The following CFTR variants were observed in gnomAD, a reference collection of about 807,000 sequenced individuals.
CFTR encodes the protein CF transmembrane conductance regulator, also known as cystic fibrosis transmembrane conductance regulator.
In CFTR, 181 loss-of-function variants were observed where a neutral mutation model predicts 171.6. The ratio of observed to expected loss-of-function variants is 1.05; its 90% CI spans 0.93 to 1.19. CFTR has a LOEUF of 1.19. Ranked by LOEUF, CFTR falls within the 50% of genes most tolerant of loss-of-function variation. The pLI, the probability that CFTR is intolerant of heterozygous loss-of-function variation, is 0.00. For synonymous variants in CFTR, 583 were observed against 608.0 expected (o/e 0.96, Z 0.60); for missense variants, 1,968 against 1,734.7 (o/e 1.13, Z -2.39).
intron 24 of CFTR, among the ~76,000 whole-genome samples, chr7:117,661,745 T>C (rs987898864): frequency 6.6e-6 from 1 of 152,216 alleles, no homozygotes; most frequent in Admixed American, 6.5e-5. Context: ...GTACTTACCA[T>C]GTGCCATATT....
intron 3 of CFTR, among the ~76,000 whole-genome samples, chr7:117,519,260 G>T (rs576127589): frequency 6.6e-6 from 1 of 152,110 alleles, no homozygotes; most frequent in East Asian, 1.9e-4. Flanking sequence ...TTCTTCAGTG[G>T]ATTAAGCGTG....
At chr7:117,503,150 T>C (rs1006551821) in intron 1 of CFTR, among the ~76,000 whole-genome samples, 1 of 152,206 alleles carries the variant, frequency 6.6e-6, no homozygotes, top group African/African-American at 2.4e-5. Flanking sequence ...AGAATATCTT[T>C]TCTATAATGA....
In CFTR at chr7:117,590,394, C is replaced by A. The variant is rs121908758; in HGVS notation, c.1721C>A (p.Pro574His). The change falls in exon 13 of 27, where the codon CCT becomes CAT. Residue 574 changes from proline to histidine, a missense_variant. Pro to His is a moderately conservative substitution (Grantham distance 77, BLOSUM62 -2). Coordinates refer to ENST00000003084, the MANE Select transcript of CFTR (RefSeq NM_000492.4). ...KDADLYLLDSPFGYLDVLTEK... is the reference protein window; with the variant it reads ...KDADLYLLDSHFGYLDVLTEK... The stretch of plus-strand genomic sequence containing the variant: ...GCTGATTTGTATTTATTAGACTCTC[C>A]TTTTGGATACCTAGATGTTTTAACA... 9 of 1,603,090 alleles carry A rather than the reference C, an allele frequency of 5.6e-6. No individual in the cohort carries two copies. The highest frequency in any genetic ancestry group is 1.3e-5 in the African/African-American group (1 of 74,638).
chr7:117,520,273 T>G (rs1584780827), intron 3 of CFTR, among the ~76,000 whole-genome samples: 1 of 151,296 alleles, frequency 6.6e-6, no homozygotes, highest in East Asian at 1.9e-4. Flanking sequence ...GAGTTTTTTT[T>G]TTTTTTTTTA....
chr7:117,514,267 G>T (rs1050235318), intron 3 of CFTR, among the ~76,000 whole-genome samples: 2 of 151,762 alleles, frequency 1.3e-5, no homozygotes, highest in Admixed American at 6.6e-5. Flanking sequence ...TGCCATGGTA[G>T]TTTGTTGCAC....
intron 1 of CFTR, among the ~76,000 whole-genome samples, chr7:117,491,707 T>G (rs900418996): frequency 1.3e-5 from 2 of 152,070 alleles, no homozygotes; most frequent in Non-Finnish European, 2.9e-5. Flanking sequence ...ACACCAGTCA[T>G]ATTGGATTAG....
chr7:117,500,344 T>TGG (rs1185457971), intron 1 of CFTR, among the ~76,000 whole-genome samples: 2 of 143,982 alleles, frequency 1.4e-5, no homozygotes, highest in Admixed American at 7.5e-5. Context: ...TGGAGTGCAA[T>TGG]GGCACAATCT....
chr7:117,664,970 C>G (rs1793349462), intron 25 of CFTR, 110 bp downstream of exon 25: 7 of 1,143,792 alleles, frequency 6.1e-6, no homozygotes, highest in East Asian at 2.3e-5. Context: ...GTGTGGGGGT[C>G]TCCCCCAAGA....
At chr7:117,633,949 G>A (rs1340227764) in intron 22 of CFTR, among the ~76,000 whole-genome samples, 1 of 152,066 alleles carries the variant, frequency 6.6e-6, no homozygotes. Flanking sequence ...AAATATTGGT[G>A]TGTAGTTTTT....
chr7:117,517,172 A>G (rs1798607970), intron 3 of CFTR, among the ~76,000 whole-genome samples: 1 of 152,142 alleles, frequency 6.6e-6, no homozygotes, highest in African/African-American at 2.4e-5. Context: ...CCCATCATCT[A>G]CATTAGGTAT....
Position 117,535,291 on chromosome 7 carries a change from T to G in CFTR, c.623T>G (p.Val208Gly). 6.2e-7 allele frequency: 1 copy of G among 1,614,132 alleles called. No individual in the cohort carries two copies. Among genetic ancestry groups the G allele is most frequent in the Middle Eastern group, 1.7e-4 (1 of 6,060 alleles). ...AHFVWIAPLQ[V>G]ALLMGLIWEL... The stretch of plus-strand genomic sequence containing the variant: ...TTCGTGTGGATCGCTCCTTTGCAAG[T>G]GGCACTCCTCATGGGGCTAATCTGG... The change falls in exon 6 of 27, where the codon GTG becomes GGG. Residue 208 changes from valine to glycine, a missense_variant. Physicochemically the swap from Val to Gly is moderately radical, Grantham distance 109 (BLOSUM62 -3). Transcript: ENST00000003084.
At chr7:117,611,881 TAGGTTA>T in intron 20 of CFTR, 73 bp downstream of exon 20, 1 of 997,350 alleles carries the variant, frequency 1.0e-6, no homozygotes, top group Non-Finnish European at 1.5e-6. Context: ...CTGCATTCTA[TAGGTTA>T]TCAATTTTTG....
intron 1 of CFTR, among the ~76,000 whole-genome samples, chr7:117,483,957 A>G (rs1016441096): frequency 5.3e-5 from 8 of 152,222 alleles, no homozygotes; most frequent in African/African-American, 1.7e-4. Context: ...TGAAAGATTT[A>G]TAAAGATGAC....
At position 117,530,908 on chromosome 7, in the gene CFTR, A is replaced by C; in HGVS notation, c.283A>C (p.Lys95Gln). The C allele has an allele frequency of 1.9e-6, 3 of 1,611,086 alleles. No individual in the cohort carries two copies. The highest frequency in any genetic ancestry group is 2.5e-6 in the Non-Finnish European group (3 of 1,177,702). Reference sequence around the variant, plus strand: ...TTTTCCCCTTTTGTAGGAAGTCACCAAAGCAGTACAGCCTCTCTTACTGGG... The same window carrying C: ...TTTTCCCCTTTTGTAGGAAGTCACCCAAGCAGTACAGCCTCTCTTACTGGG... ...GIFLYLGEVT[K>Q]AVQPLLLGRI... The change falls in exon 4 of 27, where the codon AAA (lysine) becomes CAA (glutamine). Residue 95 changes from lysine to glutamine, a missense_variant. Physicochemically the swap from Lys to Gln is moderately conservative, Grantham distance 53. Transcript: ENST00000003084.
chr7:117,535,522 TA>T, intron 6 of CFTR, 111 bp downstream of exon 6: 12 of 776,666 alleles, frequency 1.5e-5, no homozygotes, highest in East Asian at 2.8e-5. Context: ...TCAGTGTCAT[TA>T]AATTTTTTTT....
intron 11 of CFTR, among the ~76,000 whole-genome samples, chr7:117,569,921 C>T (rs972060046): frequency 2.0e-5 from 3 of 152,110 alleles, no homozygotes; most frequent in Non-Finnish European, 2.9e-5. Context: ...TCTCGTGTAA[C>T]TTACATTCTA....
At position 117,536,578 on chromosome 7, in the gene CFTR, A is replaced by T. The variant is rs1798960814; in HGVS notation, c.774A>T (p.Arg258Ser). 1 of 1,602,900 alleles carries T rather than the reference A, an allele frequency of 6.2e-7. No individual in the cohort carries two copies. Among genetic ancestry groups the T allele is most frequent in the East Asian group, 2.2e-5 (1 of 44,714 alleles). The change falls in exon 7 of 27, where the codon AGA (arginine) becomes AGT (serine). Residue 258 changes from arginine to serine, a missense_variant. Arg to Ser is a moderately radical substitution (Grantham distance 110). Transcript: ENST00000003084. ...AGAGAGCTGGGAAGATCAGTGAAAG[A>T]CTTGTGATTACCTCAGAAATGATTG... ...RDQRAGKISE[R>S]LVITSEMIEN...
chr7:117,511,301 G>T (rs1798514104), intron 3 of CFTR, among the ~76,000 whole-genome samples: 3 of 152,168 alleles, frequency 2.0e-5, no homozygotes, highest in Admixed American at 2.0e-4. Flanking sequence ...AACCAGTCAT[G>T]CTAAGGGCCA....
At chr7:117,558,494 C>T (rs1799398358) in intron 10 of CFTR, among the ~76,000 whole-genome samples, 1 of 151,852 alleles carries the variant, frequency 6.6e-6, no homozygotes, top group Admixed American at 6.6e-5. Flanking sequence ...GCAGAACTTG[C>T]AGTGAGCCGA....
Sources: gnomAD v4.1 joint callset for allele counts (sites outside exome capture counted in the v4.1 genomes callset) on GRCh38, gnomAD v4.1.1 for gene constraint, MANE v1.5 for transcripts, NCBI Gene and HGNC (gene_info 2026-07-23, HGNC 2026-07-21) for gene names.